Variants in TAOK1 observed in about 807,000 individuals in gnomAD.
TAOK1 encodes TAO kinase 1.
In TAOK1, 21 loss-of-function variants were observed where a neutral mutation model predicts 138.3. The ratio of observed to expected loss-of-function variants is 0.15; its 90% CI spans 0.11 to 0.22. The LOEUF is 0.22. TAOK1 is among the 10% of genes least tolerant of loss of function. The pLI, the probability that TAOK1 is intolerant of heterozygous loss-of-function variation, is 1.00. For synonymous variants in TAOK1, 361 were observed against 398.4 expected, an observed-to-expected ratio of 0.91 and a Z score of 1.12; for missense variants, 651 against 1,227.7, an observed-to-expected ratio of 0.53 and a Z score of 7.02.
chr17:29,501,862 C>T (rs986832547), intron 12 of TAOK1, among the ~76,000 whole-genome samples: 2 of 151,656 alleles, frequency 1.3e-5, no homozygotes, highest in Admixed American at 6.6e-5. Context: ...CATGGCAGAA[C>T]CCCATCTCTA....
At chr17:29,520,280 A>G (rs771892860) in intron 16 of TAOK1, among the ~76,000 whole-genome samples, 5 of 152,196 alleles carry the variant, frequency 3.3e-5, no homozygotes, top group Middle Eastern at 6.8e-3. Context: ...AGTAGGTTAC[A>G]ATGAAACTTT....
rs1301491302 is a variant in TAOK1, at chr17:29,548,745, G to C, written c.*5723G>C. The stretch of plus-strand genomic sequence containing the variant: ...TAGCTAACAAATTGACCTAGTTTCT[G>C]TATTTTTTTGTTTTTGTACTAAAGT... On this transcript the variant is annotated 3_prime_UTR_variant, in exon 20 of 20. Transcript: ENST00000261716. 6.6e-6 allele frequency: 1 copy of C among 152,086 alleles called. No individual in the cohort carries two copies. Among genetic ancestry groups the C allele is most frequent in the East Asian group, 1.9e-4 (1 of 5,196 alleles). 9.4% of individuals were successfully genotyped at this position (152,086 alleles called of 1,614,324 possible).
chr17:29,416,950 G>A (rs931171169), intron 1 of TAOK1, among the ~76,000 whole-genome samples: 11 of 151,886 alleles, frequency 7.2e-5, no homozygotes, highest in African/African-American at 2.7e-4. Flanking sequence ...CAGTGCCAGG[G>A]ATATGGTAAA....
chr17:29,409,378 A>G (rs1180641194), intron 1 of TAOK1, among the ~76,000 whole-genome samples: 1 of 129,416 alleles, frequency 7.7e-6, no homozygotes, highest in Admixed American at 9.3e-5. Context: ...TCTGTTGCCC[A>G]GGCTGGAGTG....
intron 1 of TAOK1, among the ~76,000 whole-genome samples, chr17:29,392,933 T>C (rs1055970543): frequency 1.3e-5 from 2 of 152,210 alleles, no homozygotes; most frequent in East Asian, 3.8e-4. Flanking sequence ...ACTAACTTAG[T>C]TTCTGTCATT....
intron 1 of TAOK1, among the ~76,000 whole-genome samples, chr17:29,419,716 ACTC>A (rs2153021652): frequency 6.7e-6 from 1 of 150,136 alleles, no homozygotes; most frequent in Admixed American, 6.7e-5. Context: ...ATGGTTTTGA[ACTC>A]CTGAGCTCAA....
chr17:29,453,104 G>T (rs557889102), intron 2 of TAOK1, among the ~76,000 whole-genome samples: 1 of 151,458 alleles, frequency 6.6e-6, no homozygotes, highest in African/African-American at 2.4e-5. Context: ...TGCCTATTCT[G>T]GATACTTCAT....
In TAOK1 at chr17:29,476,842, A is replaced by T. The variant is rs563856573; in HGVS notation, c.307-819A>T. On this transcript the variant is annotated intron_variant, in intron 4 of 19. Coordinates refer to ENST00000261716, the MANE Select transcript of TAOK1 (RefSeq NM_020791.4). ...TATTGTTATATTGTCATTTTTTAAA[A>T]TTTTATTTATTTATTTATTTTGAGA... 4.0e-5 allele frequency among the ~76,000 whole-genome samples: 6 copies of T among 151,252 alleles called. No individual in the cohort carries two copies. In the East Asian group the frequency reaches 7.7e-4, roughly 20 times the overall value.
At chr17:29,448,814 G>A (rs1051585045) in intron 1 of TAOK1, among the ~76,000 whole-genome samples, 15 of 149,166 alleles carry the variant, frequency 1.0e-4, no homozygotes, top group Non-Finnish European at 2.3e-4. Context: ...ACTGTAGATG[G>A]TAAGGGGTAG....
In TAOK1 at chr17:29,423,773, C is replaced by T. The variant is rs200039137; in HGVS notation, c.-94-27682C>T. 3.7e-4 allele frequency among the ~76,000 whole-genome samples: 56 copies of T among 149,388 alleles called. 2 individuals carry two copies. In the East Asian group the frequency reaches 0.01, roughly 27 times the overall value. On this transcript the variant is annotated intron_variant, in intron 1 of 19. Coordinates refer to ENST00000261716, the MANE Select transcript of TAOK1 (RefSeq NM_020791.4). The stretch of plus-strand genomic sequence containing the variant: ...TATTAAAACTTGTTTCAGGCTGGGG[C>T]GTGGTGGCTCACACCTGTAATCCCA...
intron 1 of TAOK1, among the ~76,000 whole-genome samples, chr17:29,395,660 T>C (rs1213842791): frequency 6.6e-6 from 1 of 150,978 alleles, no homozygotes; most frequent in African/African-American, 2.4e-5. Context: ...TTTTTTTTTT[T>C]TTTTTTTTGA....
At chr17:29,500,100 G>C (rs1293860898) in intron 12 of TAOK1, among the ~76,000 whole-genome samples, 1 of 152,136 alleles carries the variant, frequency 6.6e-6, no homozygotes, top group Non-Finnish European at 1.5e-5. Context: ...GATTGCTTGA[G>C]CCTGGAGTTG....
chr17:29,543,165 C>G lies in TAOK1; in HGVS notation c.*143C>G. 1.3e-6 allele frequency: 1 copy of G among 753,320 alleles called. No individual in the cohort carries two copies. 46.7% of individuals were successfully genotyped at this position (753,320 alleles called of 1,614,324 possible). A position where few individuals can be genotyped will look rare whatever the true frequency, so the allele number is the denominator to read the frequency against. On this transcript the variant is annotated 3_prime_UTR_variant, in exon 20 of 20. Transcript: ENST00000261716. ...GTATATTTTATTCATTTTTGTAAAG[C>G]GTTCTGTTTTGTGTTTACTAATTGG... is the stretch of plus-strand genomic sequence containing the variant.
intron 1 of TAOK1, among the ~76,000 whole-genome samples, chr17:29,434,111 T>G (rs1905947865): frequency 6.6e-6 from 1 of 152,144 alleles, no homozygotes; most frequent in Admixed American, 6.5e-5. Context: ...TTTACCAATT[T>G]TCACAGGGAG....
intron 1 of TAOK1, among the ~76,000 whole-genome samples, chr17:29,417,015 TTTG>T (rs1555557746): frequency 1.3e-5 from 2 of 151,772 alleles, no homozygotes; most frequent in Middle Eastern, 3.4e-3. Context: ...GTTTTTTTTT[TTTG>T]TTGTTGTTGT....
intron 12 of TAOK1, among the ~76,000 whole-genome samples, chr17:29,501,423 C>CAAA (rs34004946): frequency 7.3e-5 from 8 of 109,022 alleles, no homozygotes; most frequent in African/African-American, 2.8e-4. Context: ...GACCCTGTCT[C>CAAA]AAAAAAAAAA....
intron 11 of TAOK1, 122 bp downstream of exon 11, chr17:29,495,849 C>G: frequency 1.3e-6 from 1 of 790,680 alleles, no homozygotes; most frequent in Non-Finnish European, 1.8e-6. Context: ...TTTCTCAACA[C>G]TGGTCCTATA....
At chr17:29,456,095 C>A (rs1567723277) in intron 2 of TAOK1, among the ~76,000 whole-genome samples, 2 of 150,334 alleles carry the variant, frequency 1.3e-5, no homozygotes, top group Non-Finnish European at 2.9e-5. Context: ...TGCCTGTAAT[C>A]CCAGCACTTT....
chr17:29,465,837 CTTTTTTTTTTTTTTTT>C (rs3058623), intron 2 of TAOK1, among the ~76,000 whole-genome samples: 1 of 45,434 alleles, frequency 2.2e-5, no homozygotes, highest in East Asian at 1.1e-3. Flanking sequence ...AGTTTCTGTG[CTTTTTTTTTTTTTTTT>C]TTTTTTTTTT....
Sources: gnomAD v4.1 joint callset for allele counts (sites outside exome capture counted in the v4.1 genomes callset) on GRCh38, gnomAD v4.1.1 for gene constraint, MANE v1.5 for transcripts, NCBI Gene and HGNC (gene_info 2026-07-23, HGNC 2026-07-21) for gene names.